The following NKAIN2 variants were observed in gnomAD, a reference collection of about 807,000 sequenced individuals.
The protein encoded by NKAIN2 is sodium/potassium-transporting ATPase subunit beta-1-interacting protein 2.
A neutral mutation model predicts 32.6 loss-of-function variants in NKAIN2; 14 were observed. The ratio of observed to expected loss-of-function variants is 0.43; its 90% CI spans 0.28 to 0.67. The LOEUF is 0.67. Ranked by LOEUF, NKAIN2 falls within the 30% of genes least tolerant of loss-of-function variation. The pLI is 0.17. For missense variants in NKAIN2, 198 were observed against 258.3 expected (o/e 0.77, Z 1.60); for synonymous variants, 80 against 87.2 (o/e 0.92, Z 0.46).
chr6:124,504,828 G>C (rs1323403249), intron 3 of NKAIN2, among the ~76,000 whole-genome samples: 3 of 152,158 alleles, frequency 2.0e-5, no homozygotes, highest in African/African-American at 7.2e-5. Context: ...GAGTCATTGT[G>C]GACATGTGAG....
chr6:123,857,807 A>G (rs747236060), intron 1 of NKAIN2, among the ~76,000 whole-genome samples: 1 of 152,138 alleles, frequency 6.6e-6, no homozygotes, highest in Non-Finnish European at 1.5e-5. Context: ...CCAGAAGATC[A>G]AAGCTTATGC....
intron 1 of NKAIN2, among the ~76,000 whole-genome samples, chr6:123,935,043 T>C (rs567121654): frequency 6.8e-6 from 1 of 147,572 alleles, no homozygotes; most frequent in Non-Finnish European, 1.5e-5. Context: ...ACAGATATAA[T>C]TGAAATATAT....
chr6:124,203,467 T>C (rs1427130299), intron 1 of NKAIN2, among the ~76,000 whole-genome samples: 1 of 151,870 alleles, frequency 6.6e-6, no homozygotes, highest in East Asian at 1.9e-4. Flanking sequence ...TCAAGTGAAA[T>C]TCAAACTATT....
At position 124,823,464 on chromosome 6, in the gene NKAIN2, G is replaced by T; in HGVS notation, c.*235G>T. On this transcript the variant is annotated 3_prime_UTR_variant, in exon 7 of 7. Transcript: ENST00000368417. ...CTAACTGAAACAGACAAATATGCAGGACACGCCCATCTTGGATTTCCTGAA... is the reference window on the plus strand; with the variant it reads ...CTAACTGAAACAGACAAATATGCAGTACACGCCCATCTTGGATTTCCTGAA... 1 of 471,794 alleles carries T rather than the reference G, an allele frequency of 2.1e-6. No homozygotes were observed. The allele number at this position is 471,794 out of a possible 1,614,324, so 29.2% of individuals were successfully genotyped here.
intron 1 of NKAIN2, among the ~76,000 whole-genome samples, chr6:124,121,614 G>T (rs1360183569): frequency 1.3e-5 from 2 of 152,086 alleles, no homozygotes; most frequent in African/African-American, 4.8e-5. Flanking sequence ...TGTGTCTTAT[G>T]ATTAAGTCTG....
chr6:124,477,568 A>AGAT (rs1777270101), intron 3 of NKAIN2, among the ~76,000 whole-genome samples: 1 of 151,592 alleles, frequency 6.6e-6, no homozygotes, highest in African/African-American at 2.4e-5. Context: ...ATCAGCCCCC[A>AGAT]GATAATAATA....
At chr6:124,077,415 A>T (rs1212496971) in intron 1 of NKAIN2, among the ~76,000 whole-genome samples, 1 of 152,164 alleles carries the variant, frequency 6.6e-6, no homozygotes, top group Admixed American at 6.5e-5. Context: ...ACTTGATAGA[A>T]ATGTGAATTA....
intron 1 of NKAIN2, among the ~76,000 whole-genome samples, chr6:124,138,033 A>C (rs980943032): frequency 6.6e-6 from 1 of 152,106 alleles, no homozygotes; most frequent in Non-Finnish European, 1.5e-5. Context: ...TTAAACTAAA[A>C]AGCAAAGAAA....
At chr6:123,975,649 G>C (rs959143411) in intron 1 of NKAIN2, among the ~76,000 whole-genome samples, 3 of 152,064 alleles carry the variant, frequency 2.0e-5, no homozygotes, top group Non-Finnish European at 4.4e-5. Context: ...TTGAGTGTCT[G>C]GTGAGGGCCA....
chr6:124,116,943 G>T (rs1267021509), intron 1 of NKAIN2, among the ~76,000 whole-genome samples: 3 of 152,162 alleles, frequency 2.0e-5, no homozygotes, highest in Admixed American at 2.0e-4. Context: ...GCCAAGTAGT[G>T]AAGGCATTAG....
chr6:124,304,720 T>A (rs530518686), intron 2 of NKAIN2, among the ~76,000 whole-genome samples: 1 of 151,478 alleles, frequency 6.6e-6, no homozygotes, highest in African/African-American at 2.4e-5. Flanking sequence ...TAGAGACCAT[T>A]CTGGCCAACA....
intron 3 of NKAIN2, among the ~76,000 whole-genome samples, chr6:124,526,495 A>G (rs1779318668): frequency 6.6e-6 from 1 of 152,150 alleles, no homozygotes; most frequent in Non-Finnish European, 1.5e-5. Context: ...GGGGTATAAG[A>G]GGGCCAACCC....
intron 1 of NKAIN2, among the ~76,000 whole-genome samples, chr6:123,878,141 G>T (rs1773256618): frequency 6.6e-6 from 1 of 151,906 alleles, no homozygotes; most frequent in Non-Finnish European, 1.5e-5. Context: ...CAGGAGAATT[G>T]CTTGAACCCG....
At chr6:124,465,991 A>T (rs2114660038) in intron 3 of NKAIN2, among the ~76,000 whole-genome samples, 1 of 152,200 alleles carries the variant, frequency 6.6e-6, no homozygotes, top group South Asian at 2.1e-4. Context: ...AAATATAAAA[A>T]CAAACTCACA....
At chr6:124,026,880 T>C (rs1781136439) in intron 1 of NKAIN2, among the ~76,000 whole-genome samples, 1 of 152,148 alleles carries the variant, frequency 6.6e-6, no homozygotes, top group Non-Finnish European at 1.5e-5. Flanking sequence ...CACTTCACTT[T>C]CACTATTCAA....
intron 3 of NKAIN2, among the ~76,000 whole-genome samples, chr6:124,530,386 A>G (rs567718493): frequency 2.6e-5 from 4 of 152,298 alleles, no homozygotes; most frequent in South Asian, 4.1e-4. Context: ...TCATCTTCAC[A>G]TCGATTAGGT....
intron 4 of NKAIN2, among the ~76,000 whole-genome samples, chr6:124,748,417 A>G (rs1039956339): frequency 7.2e-5 from 11 of 152,008 alleles, no homozygotes; most frequent in African/African-American, 2.7e-4. Context: ...TACATCAGGA[A>G]AGCTCCCATG....
At chr6:124,574,976 T>C (rs927996236) in intron 3 of NKAIN2, among the ~76,000 whole-genome samples, 1 of 152,230 alleles carries the variant, frequency 6.6e-6, no homozygotes, top group Non-Finnish European at 1.5e-5. Context: ...GATGAACATA[T>C]CAGAGTGCCT....
intron 1 of NKAIN2, among the ~76,000 whole-genome samples, chr6:123,870,704 C>G (rs536798130): frequency 8.5e-5 from 13 of 152,216 alleles, no homozygotes; most frequent in African/African-American, 2.9e-4. Context: ...ACTCCTTCAC[C>G]TATTCATTAG....
Sources: gnomAD v4.1 joint callset for allele counts (sites outside exome capture counted in the v4.1 genomes callset) on GRCh38, gnomAD v4.1.1 for gene constraint, MANE v1.5 for transcripts, NCBI Gene and HGNC (gene_info 2026-07-23, HGNC 2026-07-21) for gene names.